The following SUMO2 variants were observed in gnomAD, a reference collection of about 807,000 sequenced individuals.
The protein encoded by SUMO2 is small ubiquitin-related modifier 2.
A neutral mutation model predicts 16.0 loss-of-function variants in SUMO2; 1 was observed. The observed-to-expected ratio is 0.06, with a 90% CI of 0.02 to 0.30. The LOEUF (loss-of-function observed/expected upper bound fraction) is 0.30, where lower values mean the gene tolerates loss of function less well. SUMO2 is among the 10% of genes least tolerant of loss of function. SUMO2 has a pLI of 1.00. For missense variants in SUMO2, 16 were observed against 117.5 expected (o/e 0.14, Z 3.99); for synonymous variants, 36 against 40.6 (o/e 0.89, Z 0.43).
At chr17:75,174,459 G>A (rs1367245038) in intron 3 of SUMO2, among the ~76,000 whole-genome samples, 1 of 152,196 alleles carries the variant, frequency 6.6e-6, no homozygotes, top group Non-Finnish European at 1.5e-5. Flanking sequence ...ATCACTTTGG[G>A]AGGCCAAGGC....
At chr17:75,173,311 T>A (rs1228506900) in intron 3 of SUMO2, among the ~76,000 whole-genome samples, 3 of 151,990 alleles carry the variant, frequency 2.0e-5, no homozygotes, top group African/African-American at 7.3e-5. Flanking sequence ...TACAGACACA[T>A]GCTACCATGC....
rs1288931640 is a variant in SUMO2, at chr17:75,165,660, A to C, written c.*2679T>G. On this transcript the variant is annotated 3_prime_UTR_variant, in exon 4 of 4. Transcript: ENST00000420826. ...AACAATCAACAAGCATTAGGATACT[A>C]TCTCTAGTCCCAGTTTTATAGTCAC... 1 of 120,078 alleles carries C rather than the reference A, an allele frequency of 8.3e-6. No individual in the cohort carries two copies. Among genetic ancestry groups the C allele is most frequent in the Non-Finnish European group, 1.7e-5 (1 of 58,336 alleles). 7.4% of individuals were successfully genotyped at this position (120,078 alleles called of 1,614,324 possible).
At chr17:75,180,392 T>TTAAAAAAA (rs749702677) in intron 2 of SUMO2, among the ~76,000 whole-genome samples, 1 of 44,862 alleles carries the variant, frequency 2.2e-5, no homozygotes, top group Non-Finnish European at 3.9e-5. Flanking sequence ...ACTCCCAGCT[T>TTAAAAAAA]AAAAAAAAAA....
intron 1 of SUMO2, among the ~76,000 whole-genome samples, 195 bp from the exon 2 acceptor site, chr17:75,181,383 G>C (rs912019018): frequency 1.2e-4 from 19 of 152,104 alleles, no homozygotes; most frequent in African/African-American, 4.1e-4. Context: ...TTAGATAGCT[G>C]TCAGATACGG....
chr17:75,175,013 G>C (rs2145221208), intron 2 of SUMO2, among the ~76,000 whole-genome samples, 190 bp from the exon 3 acceptor site: 1 of 152,102 alleles, frequency 6.6e-6, no homozygotes, highest in East Asian at 1.9e-4. Context: ...AGACAGTTTT[G>C]ATCTGTTGTC....
chr17:75,171,352 A>G (rs1238812488), intron 3 of SUMO2, among the ~76,000 whole-genome samples: 2 of 151,860 alleles, frequency 1.3e-5, no homozygotes, highest in Non-Finnish European at 2.9e-5. Context: ...AAACAAATAA[A>G]ATAAAAACAA....
chr17:75,173,893 G>A (rs1008944398), intron 3 of SUMO2, among the ~76,000 whole-genome samples: 30 of 152,148 alleles, frequency 2.0e-4, no homozygotes, highest in Admixed American at 2.0e-3. Flanking sequence ...TACAGAAAGT[G>A]ACAGAACAAA....
chr17:75,170,793 T>C (rs1568045484), intron 3 of SUMO2, among the ~76,000 whole-genome samples: 1 of 144,450 alleles, frequency 6.9e-6, no homozygotes, highest in Non-Finnish European at 1.5e-5. Flanking sequence ...GAGGTTATAG[T>C]GAGCTGAGAT....
intron 2 of SUMO2, among the ~76,000 whole-genome samples, chr17:75,179,930 C>A (rs2074813919): frequency 6.6e-6 from 1 of 152,114 alleles, no homozygotes; most frequent in Non-Finnish European, 1.5e-5. Context: ...CAGATATGAG[C>A]CACTGCATCA....
chr17:75,172,078 C>CGCTCA (rs924747424), intron 3 of SUMO2, among the ~76,000 whole-genome samples: 1 of 151,220 alleles, frequency 6.6e-6, no homozygotes, highest in African/African-American at 2.4e-5. Flanking sequence ...ATGACCTCCG[C>CGCTCA]GCTCACTGCA....
In SUMO2 at chr17:75,168,313, C is replaced by T. The variant is rs770714092; in HGVS notation, c.*26G>A. 5 of 1,547,770 alleles carry T rather than the reference C, an allele frequency of 3.2e-6. No homozygotes were observed. In the Admixed American group the frequency reaches 1.0e-4, roughly 31 times the overall value. On this transcript the variant is annotated 3_prime_UTR_variant, in exon 4 of 4. Transcript: ENST00000420826. ...ATCTTGGTCTTTAAAGAACAGAGTT[C>T]TGGAGTAAAGAAGCAGGTTCCCTTT...
chr17:75,180,697 T>C (rs1413195376), intron 2 of SUMO2, among the ~76,000 whole-genome samples: 1 of 151,954 alleles, frequency 6.6e-6, no homozygotes, highest in Non-Finnish European at 1.5e-5. Context: ...GCAACAAGAA[T>C]GAAACTCCAT....
At chr17:75,180,392 T>TAAAAAAAAAAAAAAAAA (rs58684188) in intron 2 of SUMO2, among the ~76,000 whole-genome samples, 1 of 44,862 alleles carries the variant, frequency 2.2e-5, no homozygotes, top group Non-Finnish European at 3.9e-5. Flanking sequence ...ACTCCCAGCT[T>TAAAAAAAAAAAAAAAAA]AAAAAAAAAA....
chr17:75,168,627 G>A (rs534896130), intron 3 of SUMO2, among the ~76,000 whole-genome samples: 2 of 149,696 alleles, frequency 1.3e-5, no homozygotes, highest in Non-Finnish European at 3.0e-5. Context: ...TTTTTTTTGA[G>A]ACAGGATTTC....
chr17:75,180,151 C>T (rs1199961621), intron 2 of SUMO2, among the ~76,000 whole-genome samples: 1 of 146,138 alleles, frequency 6.8e-6, no homozygotes. Context: ...GTCAGGTCTA[C>T]TAAAAATACA....
At chr17:75,176,798 G>A (rs2074785670) in intron 2 of SUMO2, among the ~76,000 whole-genome samples, 1 of 152,072 alleles carries the variant, frequency 6.6e-6, no homozygotes, top group Non-Finnish European at 1.5e-5. Context: ...GACTGTTTTA[G>A]TTACACAGTC....
intron 3 of SUMO2, among the ~76,000 whole-genome samples, chr17:75,174,164 C>A (rs531702583): frequency 2.7e-5 from 4 of 150,356 alleles, no homozygotes; most frequent in Admixed American, 2.6e-4. Flanking sequence ...CCAAGGCGGG[C>A]GGATTACTTG....
rs779266858 is a variant in SUMO2, at chr17:75,180,412, A to AC, written c.153+644_153+645insG. 1.0e-2 allele frequency among the ~76,000 whole-genome samples: 1,425 copies of AC among 142,554 alleles called. 14 individuals are homozygous for AC. The highest frequency in any genetic ancestry group is 0.016 in the Non-Finnish European group (1,011 of 65,012). 93.5% of individuals were successfully genotyped at this position (142,554 alleles called of 152,430 possible). ...CAGCTTAAAAAAAAAAAAAAAAAAA[A>AC]AAAAAAAAACGACTTCTTGGTTTGG... is the stretch of plus-strand genomic sequence containing the variant. On this transcript the variant is annotated intron_variant, in intron 2 of 3. Transcript: ENST00000420826.
intron 2 of SUMO2, 36 bp from the exon 3 acceptor site, chr17:75,174,859 G>T: frequency 6.4e-7 from 1 of 1,572,360 alleles, no homozygotes; most frequent in South Asian, 1.1e-5. Context: ...ACAGCATTAA[G>T]AGAAACAGAA....
Sources: allele counts gnomAD v4.1 joint callset (sites outside exome capture counted in the v4.1 genomes callset), GRCh38; gene constraint gnomAD v4.1.1; transcripts MANE v1.5; gene names NCBI Gene and HGNC (gene_info 2026-07-23, HGNC 2026-07-21).